The following DAB1 variants were observed in gnomAD, a reference collection of about 807,000 sequenced individuals.
DAB1 encodes DAB adaptor protein 1.
Under a neutral mutation model 64.6 loss-of-function variants are expected in DAB1, and 15 were observed. The ratio of observed to expected loss-of-function variants is 0.23; its 90% CI spans 0.16 to 0.36. The LOEUF is 0.36. Among genes scored for constraint, DAB1 ranks in the 10% least tolerant of loss-of-function variants. The pLI is 1.00. For synonymous variants in DAB1, 235 were observed against 251.9 expected, an observed-to-expected ratio of 0.93 and a Z score of 0.64; for missense variants, 596 against 706.7, an observed-to-expected ratio of 0.84 and a Z score of 1.78.
intron 7 of DAB1, among the ~76,000 whole-genome samples, chr1:57,625,721 A>G (rs1645914626): frequency 6.6e-6 from 1 of 152,134 alleles, no homozygotes; most frequent in African/African-American, 2.4e-5. Flanking sequence ...AGGCTGCTAA[A>G]TTAGAGGAGG....
intron 6 of DAB1, among the ~76,000 whole-genome samples, chr1:57,792,512 G>C (rs970210065): frequency 1.3e-5 from 2 of 152,204 alleles, no homozygotes; most frequent in African/African-American, 4.8e-5. Context: ...AGTAAAGTTA[G>C]GATGTCTTTT....
intron 3 of DAB1, among the ~76,000 whole-genome samples, chr1:58,462,319 G>T (rs1463546332): frequency 6.6e-6 from 1 of 151,774 alleles, no homozygotes; most frequent in Non-Finnish European, 1.5e-5. Flanking sequence ...GTAGAGACGG[G>T]GTTTCACCTT....
intron 5 of DAB1, among the ~76,000 whole-genome samples, chr1:58,057,598 GACTGCTAGCA>G (rs1313058792): frequency 6.6e-6 from 1 of 152,190 alleles, no homozygotes; most frequent in Non-Finnish European, 1.5e-5. Flanking sequence ...GAATGCTGAG[GACTGCTAGCA>G]ACTGCTAGAA....
chr1:57,200,997 G>A (rs1180345296), intron 2 of DAB1, among the ~76,000 whole-genome samples: 1 of 152,170 alleles, frequency 6.6e-6, no homozygotes, highest in Admixed American at 6.5e-5. Context: ...GCAGATGAGA[G>A]AATTGAGGCA....
intron 6 of DAB1, among the ~76,000 whole-genome samples, chr1:57,816,217 T>C (rs753389447): frequency 2.6e-5 from 4 of 152,190 alleles, no homozygotes; most frequent in Non-Finnish European, 5.9e-5. Flanking sequence ...CTTTTACCTG[T>C]TTCACTGATT....
Position 57,226,672 on chromosome 1 carries a change from A to AATATAT in DAB1, c.67+64286_67+64291dup, listed in dbSNP as rs61660460. ...GTCACTCAAAAGTGGTTAAAAAAAA[A>AATATAT]ATATATATATATATATATATATATA... On this transcript the variant is annotated intron_variant, in intron 2 of 14. Coordinates refer to ENST00000371236, the MANE Select transcript of DAB1 (RefSeq NM_001365792.1). Among the ~76,000 whole-genome samples, 381 of 135,980 alleles carry AATATAT rather than the reference A, an allele frequency of 2.8e-3. 4 individuals are homozygous for AATATAT. The highest frequency in any genetic ancestry group is 7.0e-3 in the Admixed American group (98 of 13,952). 89.2% of individuals were successfully genotyped at this position (135,980 alleles called of 152,430 possible).
chr1:58,312,136 G>A (rs1662444754), intron 4 of DAB1, among the ~76,000 whole-genome samples: 1 of 152,112 alleles, frequency 6.6e-6, no homozygotes, highest in South Asian at 2.1e-4. Context: ...TGAGGCCAAG[G>A]TGCTACCAAG....
At chr1:57,580,965 C>T (rs1173309135) in intron 7 of DAB1, among the ~76,000 whole-genome samples, 1 of 152,190 alleles carries the variant, frequency 6.6e-6, no homozygotes, top group Non-Finnish European at 1.5e-5. Context: ...CCAACCCAGC[C>T]CTATTGGGCA....
chr1:57,680,895 G>C (rs1472150889), intron 6 of DAB1, among the ~76,000 whole-genome samples: 1 of 152,144 alleles, frequency 6.6e-6, no homozygotes, highest in African/African-American at 2.4e-5. Context: ...TTAACCTATT[G>C]TTGTGGTTTC....
At position 57,714,212 on chromosome 1, in the gene DAB1, C is replaced by T. The variant is rs148690917; in HGVS notation, n.552-64547G>A. Among the ~76,000 whole-genome samples the T allele has an allele frequency of 9.4e-3, 1,431 of 152,262 alleles. 12 individuals are homozygous for T. Among genetic ancestry groups the T allele is most frequent in the Non-Finnish European group, 0.015 (1,004 of 68,014 alleles). On this transcript the variant is annotated intron_variant and non_coding_transcript_variant, in intron 6 of 20. Coordinates refer to the DAB1 transcript ENST00000485760. ...CATTTAATTCTCATAAACAGCCTAT[C>T]AGGTAAGTATAATTATTTTTACCCA...
chr1:58,502,777 G>A (rs1645926926), intron 3 of DAB1, among the ~76,000 whole-genome samples: 1 of 152,092 alleles, frequency 6.6e-6, no homozygotes, highest in African/African-American at 2.4e-5. Context: ...TGTACTATCA[G>A]TTTCACTTCA....
intron 7 of DAB1, among the ~76,000 whole-genome samples, chr1:57,528,906 C>T (rs775565424): frequency 5.3e-5 from 8 of 151,876 alleles, no homozygotes; most frequent in Non-Finnish European, 1.2e-4. Context: ...AATCACACTA[C>T]AAGAAATGCT....
intron 7 of DAB1, among the ~76,000 whole-genome samples, chr1:57,649,171 A>C (rs994849643): frequency 2.0e-5 from 3 of 152,166 alleles, no homozygotes; most frequent in Non-Finnish European, 4.4e-5. Context: ...TCCACAGTTG[A>C]GAATAGTTTC....
intron 7 of DAB1, among the ~76,000 whole-genome samples, chr1:57,643,901 G>T (rs1646160816): frequency 6.6e-6 from 1 of 152,114 alleles, no homozygotes; most frequent in African/African-American, 2.4e-5. Context: ...AAATAGGCTG[G>T]TCAGCAATTA....
chr1:57,145,215 A>G (rs763397493), intron 3 of DAB1, 75 bp downstream of exon 3: 32 of 1,423,348 alleles, frequency 2.2e-5, no homozygotes, highest in African/African-American at 4.3e-5. Context: ...GTTATTTACA[A>G]TTATGATGGT....
chr1:58,202,157 A>G (rs1203922972), intron 4 of DAB1, among the ~76,000 whole-genome samples: 1 of 152,252 alleles, frequency 6.6e-6, no homozygotes, highest in Admixed American at 6.5e-5. Flanking sequence ...TAAAGACAAA[A>G]AAAAGACAAT....
intron 2 of DAB1, among the ~76,000 whole-genome samples, chr1:57,275,712 C>T (rs1253918878): frequency 6.6e-6 from 1 of 152,150 alleles, no homozygotes; most frequent in Admixed American, 6.5e-5. Context: ...ATCTTAATTC[C>T]CGTGCTTTAC....
chr1:57,915,428 T>C (rs1644711781), intron 5 of DAB1, among the ~76,000 whole-genome samples: 1 of 152,154 alleles, frequency 6.6e-6, no homozygotes, highest in African/African-American at 2.4e-5. Context: ...TCCTCCATCA[T>C]TACTTGTCTC....
At chr1:58,476,709 T>A (rs1645422358) in intron 3 of DAB1, among the ~76,000 whole-genome samples, 1 of 152,226 alleles carries the variant, frequency 6.6e-6, no homozygotes, top group African/African-American at 2.4e-5. Flanking sequence ...CATGTATACA[T>A]ACGCTTAAAA....
Sources: allele counts gnomAD v4.1 joint callset (sites outside exome capture counted in the v4.1 genomes callset), GRCh38; gene constraint gnomAD v4.1.1; transcripts MANE v1.5; gene names NCBI Gene and HGNC (gene_info 2026-07-23, HGNC 2026-07-21).